The following NALCN variants were observed in gnomAD, a reference collection of about 807,000 sequenced individuals.
NALCN encodes sodium leak channel NALCN.
NALCN carries 111 observed loss-of-function variants against 225.3 expected under a neutral mutation model. The ratio of observed to expected loss-of-function variants is 0.49; its 90% CI spans 0.42 to 0.58. NALCN has a LOEUF of 0.58. Ranked by LOEUF, NALCN falls within the 20% of genes least tolerant of loss-of-function variation. The pLI, the probability that NALCN is intolerant of heterozygous loss-of-function variation, is 0.00. For missense variants in NALCN, 1,378 were observed against 2,202.4 expected (o/e 0.63, Z 7.49); for synonymous variants, 764 against 769.0 (o/e 0.99, Z 0.11).
intron 1 of NALCN, among the ~76,000 whole-genome samples, chr13:101,413,021 G>C (rs1315945884): frequency 6.6e-6 from 1 of 152,042 alleles, no homozygotes; most frequent in Non-Finnish European, 1.5e-5. Flanking sequence ...TTTTTATATA[G>C]CACAAAGGTC....
intron 10 of NALCN, among the ~76,000 whole-genome samples, chr13:101,263,142 A>G (rs1055929223): frequency 1.3e-5 from 2 of 152,324 alleles, no homozygotes; most frequent in Admixed American, 1.3e-4. Context: ...TGACATCGGG[A>G]AAGTAGACTT....
chr13:101,327,112 T>C (rs987306366), intron 7 of NALCN, among the ~76,000 whole-genome samples: 1 of 152,112 alleles, frequency 6.6e-6, no homozygotes, highest in Non-Finnish European at 1.5e-5. Context: ...AGGGAGGCAA[T>C]GTCACATGGC....
chr13:101,378,752 T>A, intron 3 of NALCN, 99 bp from the exon 4 acceptor site: 1 of 1,028,068 alleles, frequency 9.7e-7, no homozygotes, highest in Non-Finnish European at 1.4e-6. Context: ...AAAAGCTATC[T>A]ACAATTTTTG....
At chr13:101,138,811 T>C (rs1173577675) in intron 17 of NALCN, among the ~76,000 whole-genome samples, 1 of 152,142 alleles carries the variant, frequency 6.6e-6, no homozygotes, top group East Asian at 1.9e-4. Context: ...CCACTCTGCT[T>C]AAGGAAACTA....
chr13:101,175,659 T>TC (rs2038930652), intron 15 of NALCN, among the ~76,000 whole-genome samples: 1 of 152,208 alleles, frequency 6.6e-6, no homozygotes, highest in Non-Finnish European at 1.5e-5. Context: ...TACTCTTTGA[T>TC]AGAGCCAAAT....
chr13:101,206,878 A>T (rs2040333588), intron 13 of NALCN, among the ~76,000 whole-genome samples: 1 of 151,968 alleles, frequency 6.6e-6, no homozygotes, highest in African/African-American at 2.4e-5. Flanking sequence ...ATTTTTAAAA[A>T]TATTTTATCA....
rs74545984 is a variant in NALCN at position 101,292,158 on chromosome 13, A to G, written c.943-64T>C. The G allele has an allele frequency of 3.8e-4, 608 of 1,612,318 alleles. No individual in the cohort carries two copies. Among genetic ancestry groups the G allele is most frequent in the Non-Finnish European group, 4.6e-4 (545 of 1,178,964 alleles). ...AATGACAAAGCAGAGGGCAACCAAA[A>G]CCAAACAAAAGATCTGCAGAACTAT... On this transcript the variant is annotated intron_variant, in intron 8 of 43. Transcript: ENST00000251127. This position sits in a 1 kb window ranked among gnomAD's most constrained non-coding sequence, Gnocchi z 4.3.
intron 13 of NALCN, among the ~76,000 whole-genome samples, chr13:101,225,030 C>T (rs962418190): frequency 6.6e-6 from 1 of 152,166 alleles, no homozygotes; most frequent in African/African-American, 2.4e-5. Flanking sequence ...ACCAATGCCT[C>T]CTGCCTAACT....
At chr13:101,237,520 A>T (rs1480535851) in intron 12 of NALCN, among the ~76,000 whole-genome samples, 2 of 151,966 alleles carry the variant, frequency 1.3e-5, no homozygotes, top group Non-Finnish European at 2.9e-5. Flanking sequence ...TAAGTAAAAC[A>T]TCTACATTGT....
intron 27 of NALCN, 94 bp from the exon 28 acceptor site, chr13:101,095,774 T>C: frequency 9.5e-7 from 1 of 1,054,042 alleles, no homozygotes; most frequent in Non-Finnish European, 1.4e-6. Flanking sequence ...TTTCACGGAA[T>C]CCCAAAAGCC....
intron 7 of NALCN, among the ~76,000 whole-genome samples, chr13:101,332,607 T>C (rs2045224087): frequency 6.6e-6 from 1 of 152,124 alleles, no homozygotes; most frequent in Non-Finnish European, 1.5e-5. Context: ...GAAGCAGAAA[T>C]ATTTAGCCAG....
At chr13:101,119,602 G>A (rs945620178) in intron 18 of NALCN, among the ~76,000 whole-genome samples, 1 of 152,034 alleles carries the variant, frequency 6.6e-6, no homozygotes, top group Non-Finnish European at 1.5e-5. Flanking sequence ...TTTTTTGCTC[G>A]ATTTCAGGGC....
chr13:101,186,600 T>C (rs2039457931), intron 14 of NALCN, among the ~76,000 whole-genome samples: 1 of 152,154 alleles, frequency 6.6e-6, no homozygotes, highest in Admixed American at 6.5e-5. Flanking sequence ...TTTGTTTTAA[T>C]TTAGTTATAT....
At chr13:101,293,912 C>G (rs1027326618) in intron 7 of NALCN, among the ~76,000 whole-genome samples, 2 of 152,166 alleles carry the variant, frequency 1.3e-5, no homozygotes, top group Non-Finnish European at 2.9e-5. Context: ...ACTGTAACTC[C>G]TTGTCATACA....
At chr13:101,218,356 AG>A (rs1322568936) in intron 13 of NALCN, among the ~76,000 whole-genome samples, 1 of 152,170 alleles carries the variant, frequency 6.6e-6, no homozygotes, top group African/African-American at 2.4e-5. Flanking sequence ...TATGGAGGCC[AG>A]AAGTCTAAAA....
intron 3 of NALCN, among the ~76,000 whole-genome samples, chr13:101,391,809 C>T (rs185671219): frequency 7.1e-5 from 10 of 141,582 alleles, no homozygotes; most frequent in Admixed American, 4.1e-4. Flanking sequence ...ACAGTGAAAC[C>T]GCATCTCTAC....
intron 15 of NALCN, among the ~76,000 whole-genome samples, chr13:101,160,185 A>C (rs987339464): frequency 6.6e-6 from 1 of 152,118 alleles, no homozygotes; most frequent in Non-Finnish European, 1.5e-5. Flanking sequence ...CGATCTCCTG[A>C]CCTTGTGATC....
At chr13:101,100,378 T>C (rs2034742393) in intron 27 of NALCN, among the ~76,000 whole-genome samples, 3 of 152,196 alleles carry the variant, frequency 2.0e-5, no homozygotes, top group Non-Finnish European at 2.9e-5. Flanking sequence ...GGGTTGACAC[T>C]GGAATAGGAG....
chr13:101,379,724 G>A (rs2046795044), intron 3 of NALCN, among the ~76,000 whole-genome samples: 1 of 152,066 alleles, frequency 6.6e-6, no homozygotes, highest in African/African-American at 2.4e-5. Context: ...AGAGGTGGGG[G>A]GCTAGGAGAG....
Sources: allele counts gnomAD v4.1 joint callset (sites outside exome capture counted in the v4.1 genomes callset), GRCh38; gene constraint gnomAD v4.1.1; non-coding constraint Gnocchi (gnomAD v3.1); transcripts MANE v1.5; gene names NCBI Gene and HGNC (gene_info 2026-07-23, HGNC 2026-07-21).